The following TNC variants were observed in gnomAD, a reference collection of about 807,000 sequenced individuals.
The protein encoded by TNC is tenascin C, also known as tenascin.
TNC carries 109 observed loss-of-function variants against 202.4 expected under a neutral mutation model. The ratio of observed to expected loss-of-function variants is 0.54; its 90% confidence interval spans 0.46 to 0.63. The LOEUF (loss-of-function observed/expected upper bound fraction) is 0.63, where lower values mean the gene tolerates loss of function less well. Ranked by LOEUF, TNC falls within the 30% of genes least tolerant of loss-of-function variation. The probability of loss-of-function intolerance (pLI) is 0.00; values close to 1 mark genes in which losing one functional copy is unlikely to be tolerated. For synonymous variants in TNC, 1,007 were observed against 1,089.7 expected (o/e 0.92, Z 1.50); for missense variants, 2,756 against 2,833.3 (o/e 0.97, Z 0.62).
At chr9:115,085,676 C>A (rs192380872) in intron 3 of TNC, among the ~76,000 whole-genome samples, 188 bp downstream of exon 3, 2 of 152,154 alleles carry the variant, frequency 1.3e-5, no homozygotes, top group African/African-American at 4.8e-5. Context: ...AAATAGGTCA[C>A]CTTGTAACAA....
In TNC at chr9:115,083,311, TAG is replaced by T. The variant is rs1434224300; in HGVS notation, c.2132-506_2132-505del. On this transcript the variant is annotated intron_variant, in intron 4 of 27. Coordinates refer to ENST00000350763, the MANE Select transcript of TNC (RefSeq NM_002160.4). Reference sequence around the variant, plus strand: ...TATTAAGGAAAAAAGGGTCAATTTCTAGCCAGAGCTTGCTTTTTAGATATGAA... The same window carrying T: ...TATTAAGGAAAAAAGGGTCAATTTCTCCAGAGCTTGCTTTTTAGATATGAA... 2.4e-3 allele frequency among the ~76,000 whole-genome samples: 359 copies of T among 152,356 alleles called. 3 individuals are homozygous for T. Among genetic ancestry groups the T allele is most frequent in the African/African-American group, 8.4e-3 (348 of 41,586 alleles).
At chr9:115,042,671 T>C (rs559119002) in intron 17 of TNC, among the ~76,000 whole-genome samples, 3 of 152,210 alleles carry the variant, frequency 2.0e-5, no homozygotes, top group Admixed American at 6.5e-5. Flanking sequence ...TTTTTAACAT[T>C]TTCTTAAATC....
chr9:115,076,590 G>T lies in TNC; in HGVS notation c.2675-15C>A, dbSNP rs1833879401. The T allele has an allele frequency of 4.3e-6, 7 of 1,613,280 alleles. No individual in the cohort carries two copies. The highest frequency in any genetic ancestry group is 1.3e-5 in the African/African-American group (1 of 74,920). Reference sequence around the variant, plus strand: ...AGCATCGAGGCCTGTTTGAGAGAAGGAACATTTGTATTGAACATATCAGTC... The same window carrying T: ...AGCATCGAGGCCTGTTTGAGAGAAGTAACATTTGTATTGAACATATCAGTC... On this transcript the variant is annotated splice_polypyrimidine_tract_variant and intron_variant, in intron 7 of 27. Coordinates refer to ENST00000350763, the MANE Select transcript of TNC (RefSeq NM_002160.4).
chr9:115,035,149 A>G, intron 22 of TNC, 55 bp downstream of exon 22: 1 of 1,524,622 alleles, frequency 6.6e-7, no homozygotes, highest in Non-Finnish European at 8.8e-7. Context: ...CCATACTTTG[A>G]AGATCATGCA....
intron 22 of TNC, among the ~76,000 whole-genome samples, chr9:115,032,275 A>C (rs1334843015): frequency 6.6e-6 from 1 of 152,204 alleles, no homozygotes; most frequent in Non-Finnish European, 1.5e-5. Context: ...TAGATTATGA[A>C]GGGCCTTTAA....
At chr9:115,034,707 T>C (rs16932078) in intron 22 of TNC, among the ~76,000 whole-genome samples, 108,371 of 152,112 alleles carry the variant, frequency 0.71, 38,753 homozygotes, top group African/African-American at 0.74. Context: ...CTTCGCTTGT[T>C]TGAAGATCTA....
At chr9:115,096,448 A>G (rs143586537) in intron 1 of TNC, among the ~76,000 whole-genome samples, 76 of 152,326 alleles carry the variant, frequency 5.0e-4, no homozygotes, top group African/African-American at 1.7e-3. Flanking sequence ...TCTATCATCC[A>G]AAGAAGTTTT....
intron 1 of TNC, among the ~76,000 whole-genome samples, chr9:115,094,312 TGG>T (rs1835452794): frequency 1.3e-5 from 2 of 152,196 alleles, no homozygotes; most frequent in African/African-American, 4.8e-5. Flanking sequence ...AGCAGCAACT[TGG>T]ATCTAGATCA....
At chr9:115,038,513 T>C in intron 19 of TNC, 133 bp from the exon 20 acceptor site, 1 of 1,214,704 alleles carries the variant, frequency 8.2e-7, no homozygotes, top group Non-Finnish European at 1.1e-6. Flanking sequence ...TTCAGAGACC[T>C]AAGCCTGGAG....
chr9:115,046,635 C>G lies in TNC; in HGVS notation c.4900G>C (p.Asp1634His). 1 of 1,613,798 alleles carries G rather than the reference C, an allele frequency of 6.2e-7. No individual in the cohort carries two copies. The highest frequency in any genetic ancestry group is 8.5e-7 in the Non-Finnish European group (1 of 1,179,984). The change falls in exon 17 of 28, where the codon GAC (aspartate) becomes CAC (histidine). Residue 1634 changes from aspartate (D) to histidine (H), a missense_variant. Asp to His is a moderately conservative substitution (Grantham distance 81). Transcript: ENST00000350763. ...DNLLVSDATP[D>H]GFRLSWTADE... Reference sequence around the variant, plus strand: ...GCTGTCCAGGACAGACGGAAACCGTCTGGGGTGGCATCTGAAACCAGAAGG... The same window carrying G: ...GCTGTCCAGGACAGACGGAAACCGTGTGGGGTGGCATCTGAAACCAGAAGG...
Position 115,076,398 on chromosome 9 carries a change from G to A in TNC, c.2852C>T (p.Thr951Ile), listed in dbSNP as rs200261885. Residue 951 changes from threonine (T) to isoleucine (I), a missense_variant, in exon 8 of 28, where the codon ACA becomes ATA. By Grantham distance (89) the Thr-to-Ile change is moderately conservative. This residue lies in a region of TNC where 2,559 missense variants were observed against 2,546.0 expected (regional missense o/e 1.01). Coordinates refer to ENST00000350763, the MANE Select transcript of TNC (RefSeq NM_002160.4). ...PKSQQATTKT[T>I]LTGLRPGTEY... ...AGAGATGCAGAGCTCACCTGTGAGT[G>A]TGGTTTTGGTTGTGGCTTGTTGGCT... The A allele has an allele frequency of 1.1e-4, 177 of 1,614,140 alleles. No individual in the cohort carries two copies. In the East Asian group the frequency reaches 1.6e-3, roughly 14 times the overall value.
chr9:115,073,942 A>G, intron 9 of TNC, 76 bp from the exon 10 acceptor site: 1 of 1,479,138 alleles, frequency 6.8e-7, no homozygotes, highest in Admixed American at 1.9e-5. Flanking sequence ...AGTCAACTGC[A>G]TCTGGGCTGG....
chr9:115,043,520 C>T (rs1830934639), intron 17 of TNC, among the ~76,000 whole-genome samples: 1 of 152,110 alleles, frequency 6.6e-6, no homozygotes, highest in South Asian at 2.1e-4. Context: ...CTCCATCTGT[C>T]CAGAGGGAAA....
At chr9:115,046,771 TGTAG>T in intron 16 of TNC, 89 bp from the exon 17 acceptor site, 5 of 1,436,022 alleles carry the variant, frequency 3.5e-6, no homozygotes, top group Non-Finnish European at 4.8e-6. Context: ...GGTATCAATA[TGTAG>T]TGATGCCCCG....
intron 15 of TNC, among the ~76,000 whole-genome samples, chr9:115,052,020 G>A (rs953267345): frequency 4.2e-4 from 26 of 61,534 alleles, no homozygotes; most frequent in East Asian, 4.0e-3. Flanking sequence ...AGAAAATGTG[G>A]TGTATAGATA....
At chr9:115,105,811 A>G (rs1836574237) in intron 1 of TNC, among the ~76,000 whole-genome samples, 1 of 152,232 alleles carries the variant, frequency 6.6e-6, no homozygotes, top group African/African-American at 2.4e-5. Flanking sequence ...TAAACCAAAT[A>G]TGATTTTAAG....
intron 1 of TNC, among the ~76,000 whole-genome samples, chr9:115,107,125 C>T (rs934349504): frequency 8.6e-5 from 13 of 151,834 alleles, no homozygotes; most frequent in Non-Finnish European, 1.5e-5. Flanking sequence ...TGATAATATC[C>T]ACCTTGTTAG....
At chr9:115,080,226 A>G (rs1834197510) in intron 6 of TNC, among the ~76,000 whole-genome samples, 2 of 152,244 alleles carry the variant, frequency 1.3e-5, no homozygotes, top group South Asian at 4.1e-4. Context: ...AAATTTAGAT[A>G]AACAAAAGAG....
At chr9:115,074,344 G>A (rs1833686072) in intron 9 of TNC, among the ~76,000 whole-genome samples, 2 of 152,168 alleles carry the variant, frequency 1.3e-5, no homozygotes, top group African/African-American at 2.4e-5. Flanking sequence ...CTCATGAATG[G>A]GAGTGGTGCC....
Sources: gnomAD v4.1 joint callset for allele counts (sites outside exome capture counted in the v4.1 genomes callset) on GRCh38, gnomAD v4.1.1 for gene constraint, gnomAD v4.1.1 regional missense constraint, MANE v1.5 for transcripts, NCBI Gene and HGNC (gene_info 2026-07-23, HGNC 2026-07-21) for gene names.